The following DGKB variants were observed in gnomAD, a reference collection of about 807,000 sequenced individuals.
The protein encoded by DGKB is 90 kDa diacylglycerol kinase.
In DGKB, 67 loss-of-function variants were observed where a neutral mutation model predicts 114.3. The observed-to-expected ratio is 0.59, with a 90% CI of 0.48 to 0.72. The LOEUF is 0.72. DGKB is among the 30% of genes least tolerant of loss of function. The pLI, the probability that DGKB is intolerant of heterozygous loss-of-function variation, is 0.00. For synonymous variants in DGKB, 398 were observed against 323.1 expected, an observed-to-expected ratio of 1.23 and a Z score of -2.49; for missense variants, 907 against 975.2, an observed-to-expected ratio of 0.93 and a Z score of 0.93.
intron 4 of DGKB, among the ~76,000 whole-genome samples, chr7:14,742,614 T>G (rs1832736145): frequency 6.6e-6 from 1 of 152,342 alleles, no homozygotes; most frequent in Non-Finnish European, 1.5e-5. Flanking sequence ...GCTTTACAAC[T>G]TGGTAAGGCC....
Position 14,753,939 on chromosome 7 carries a change from T to A in DGKB, c.157A>T (p.Ile53Phe). Reference sequence around the variant, plus strand: ...AGAAAATGTCTTACTTGGTTAAGAATGTCTTGTTTCTGTGCATGCAAGGAA... The same window carrying A: ...AGAAAATGTCTTACTTGGTTAAGAAAGTCTTGTTTCTGTGCATGCAAGGAA... ...AKYNPEGKQD[I>F]LNQTIDFEGF... The change falls in exon 4 of 26, where the codon ATT (isoleucine) becomes TTT (phenylalanine). Residue 53 changes from isoleucine to phenylalanine, a missense_variant. This residue lies in a region of DGKB where 814 missense variants were observed against 856.6 expected (regional missense o/e 0.95). Coordinates refer to ENST00000402815, the MANE Select transcript of DGKB (RefSeq NM_001350709.2). 6.6e-7 allele frequency: 1 copy of A among 1,518,958 alleles called. No homozygotes were observed. Among genetic ancestry groups the A allele is most frequent in the Non-Finnish European group, 9.0e-7 (1 of 1,110,638 alleles). The allele number at this position is 1,518,958 out of a possible 1,614,324, so 94.1% of individuals were successfully genotyped here. A position where few individuals can be genotyped will look rare whatever the true frequency, so the allele number is the denominator to read the frequency against.
intron 17 of DGKB, among the ~76,000 whole-genome samples, chr7:14,605,521 G>A (rs1037262309): frequency 1.3e-5 from 2 of 151,622 alleles, no homozygotes; most frequent in Non-Finnish European, 1.5e-5. Context: ...AGTGCTCAAA[G>A]TGGGACCTTT....
At chr7:14,821,658 C>A (rs560300324) in intron 2 of DGKB, among the ~76,000 whole-genome samples, 15 of 152,186 alleles carry the variant, frequency 9.9e-5, no homozygotes, top group Non-Finnish European at 1.9e-4. Context: ...CATCCACATA[C>A]GTCTTACAGG....
At chr7:14,727,176 G>A (rs1830150348) in intron 5 of DGKB, among the ~76,000 whole-genome samples, 1 of 152,082 alleles carries the variant, frequency 6.6e-6, no homozygotes. Flanking sequence ...AGAAACTCCT[G>A]TGTGTTGGGT....
At chr7:14,162,566 T>C (rs901111890) in intron 25 of DGKB, among the ~76,000 whole-genome samples, 1 of 152,198 alleles carries the variant, frequency 6.6e-6, no homozygotes, top group Non-Finnish European at 1.5e-5. Flanking sequence ...TACATGAGAA[T>C]ATGATTATGA....
rs539500815 is a variant in DGKB, at chr7:14,423,673, C to G, written c.1835+54488G>C. On this transcript the variant is annotated intron_variant, in intron 21 of 25. Transcript: ENST00000402815. ...AGTTGGACTAAAATTCAGAACAGAACTTCTTTTACGAAGTTAACAGAGATA... is the reference window on the plus strand; with the variant it reads ...AGTTGGACTAAAATTCAGAACAGAAGTTCTTTTACGAAGTTAACAGAGATA... Among the ~76,000 whole-genome samples, 3 of 152,062 alleles carry G rather than the reference C, an allele frequency of 2.0e-5. No homozygotes were observed. The East Asian group carries it at 5.8e-4, about 29-fold the overall frequency.
intron 1 of DGKB, among the ~76,000 whole-genome samples, chr7:14,854,441 G>C (rs1264016517): frequency 3.3e-5 from 5 of 152,192 alleles, no homozygotes; most frequent in Admixed American, 6.5e-5. Context: ...CCATGGACGA[G>C]GGGTGGAGGC....
At chr7:14,811,264 G>A (rs556059314) in intron 2 of DGKB, among the ~76,000 whole-genome samples, 3 of 152,228 alleles carry the variant, frequency 2.0e-5, no homozygotes, top group South Asian at 2.1e-4. Flanking sequence ...CTGGAGTGCA[G>A]TGGTGTGATT....
chr7:14,485,916 C>A (rs1047974649), intron 20 of DGKB, among the ~76,000 whole-genome samples: 1 of 151,476 alleles, frequency 6.6e-6, no homozygotes, highest in African/African-American at 2.4e-5. Context: ...AATAGGGACA[C>A]CTTTGTATGA....
At chr7:14,726,555 C>A (rs763829101) in intron 5 of DGKB, among the ~76,000 whole-genome samples, 4 of 152,158 alleles carry the variant, frequency 2.6e-5, no homozygotes, top group Admixed American at 6.5e-5. Context: ...GTTTTCAAGA[C>A]TCTTAAGGGT....
chr7:14,828,366 A>T (rs1845973963), intron 2 of DGKB, among the ~76,000 whole-genome samples: 1 of 152,118 alleles, frequency 6.6e-6, no homozygotes, highest in Non-Finnish European at 1.5e-5. Context: ...AAGAAAAAAA[A>T]TGAAATAGTT....
At chr7:14,272,182 C>T (rs1798362394) in intron 23 of DGKB, among the ~76,000 whole-genome samples, 1 of 151,966 alleles carries the variant, frequency 6.6e-6, no homozygotes, top group Non-Finnish European at 1.5e-5. Context: ...ATAAACAATG[C>T]AAGATGACAG....
rs893113848 is a variant in DGKB, at chr7:14,959,256, G to GT, written c.-188+15439dup. ...TAAGTTTATTTCTAGGTACTTTATA[G>GT]TTTTTTTTCAGTTACATTTGCTAAT... On this transcript the variant is annotated intron_variant, in intron 1 of 4. Transcript: ENST00000437998. Among the ~76,000 whole-genome samples, 14 of 151,226 alleles carry GT rather than the reference G, an allele frequency of 9.3e-5. No individual in the cohort carries two copies. The East Asian group carries it at 1.4e-3, about 15-fold the overall frequency.
At chr7:14,386,020 T>G (rs1820282993) in intron 21 of DGKB, among the ~76,000 whole-genome samples, 1 of 152,250 alleles carries the variant, frequency 6.6e-6, no homozygotes, top group East Asian at 1.9e-4. Flanking sequence ...GTAGAGCCTT[T>G]AAAATGTTAT....
At chr7:14,962,579 C>G (rs755936867) in intron 1 of DGKB, among the ~76,000 whole-genome samples, 2 of 151,298 alleles carry the variant, frequency 1.3e-5, no homozygotes, top group East Asian at 3.9e-4. Context: ...TTTCACATAA[C>G]AGATTAATAT....
intron 13 of DGKB, among the ~76,000 whole-genome samples, chr7:14,667,998 T>C (rs935950877): frequency 6.6e-6 from 1 of 152,096 alleles, no homozygotes; most frequent in Non-Finnish European, 1.5e-5. Context: ...AGGTACTATA[T>C]GAGAGAATGA....
At chr7:14,456,463 A>G (rs1194572383) in intron 21 of DGKB, among the ~76,000 whole-genome samples, 2 of 152,082 alleles carry the variant, frequency 1.3e-5, no homozygotes, top group Non-Finnish European at 2.9e-5. Context: ...ATACCTGCAC[A>G]AAACAATCCT....
rs1300363624 is a variant in DGKB at position 14,901,605 on chromosome 7, A to ACCC, written c.-188+984_-188+986dup. ...TATGCTTTCTGTTTGAGGGATTTCC[A>ACCC]CCCCCCCCCACCCCCCACTGCCCCA... On this transcript the variant is annotated intron_variant, in intron 1 of 25. Transcript: ENST00000402815. Among the ~76,000 whole-genome samples, 390 of 123,096 alleles carry ACCC rather than the reference A, an allele frequency of 3.2e-3. 1 individual carries two copies. The highest frequency in any genetic ancestry group is 0.018 in the East Asian group (66 of 3,642). 80.8% of individuals were successfully genotyped at this position (123,096 alleles called of 152,430 possible). A position where few individuals can be genotyped will look rare whatever the true frequency, so the allele number is the denominator to read the frequency against.
intron 1 of DGKB, among the ~76,000 whole-genome samples, chr7:14,853,405 T>C (rs1188685586): frequency 3.3e-5 from 5 of 151,898 alleles, no homozygotes; most frequent in Non-Finnish European, 7.4e-5. Context: ...TCTCACTTGT[T>C]TTCTGTATTG....
Sources: allele counts gnomAD v4.1 joint callset (sites outside exome capture counted in the v4.1 genomes callset), GRCh38; gene constraint gnomAD v4.1.1; regional missense constraint gnomAD v4.1.1; transcripts MANE v1.5; gene names NCBI Gene and HGNC (gene_info 2026-07-23, HGNC 2026-07-21).